VPS13D: variants seen among roughly 807,000 people sequenced by gnomAD.
The protein encoded by VPS13D is vacuolar protein sorting 13 homolog D.
Under a neutral mutation model 461.9 loss-of-function variants are expected in VPS13D, and 187 were observed. The ratio of observed to expected loss-of-function variants is 0.40; its 90% CI spans 0.36 to 0.46. VPS13D has a LOEUF of 0.46. VPS13D is among the 20% of genes least tolerant of loss of function. The probability of loss-of-function intolerance (pLI) is 0.60; values close to 1 mark genes in which losing one functional copy is unlikely to be tolerated. For missense variants in VPS13D, 4,711 were observed against 5,364.9 expected, an observed-to-expected ratio of 0.88 and a Z score of 3.81; for synonymous variants, 1,951 against 1,986.3, an observed-to-expected ratio of 0.98 and a Z score of 0.47.
At chr1:12,485,873 G>A (rs181270792) in intron 67 of VPS13D, among the ~76,000 whole-genome samples, 189 of 152,226 alleles carry the variant, frequency 1.2e-3, no homozygotes, top group South Asian at 2.5e-3. Flanking sequence ...CAGGTTGACC[G>A]TCGCAGCACC....
intron 67 of VPS13D, among the ~76,000 whole-genome samples, chr1:12,468,999 A>C (rs982836996): frequency 5.9e-5 from 9 of 151,698 alleles, no homozygotes. Flanking sequence ...GCACCACTGC[A>C]CTCCAGCCTG....
At chr1:12,364,094 A>G (rs528357727) in intron 52 of VPS13D, among the ~76,000 whole-genome samples, 20 of 152,224 alleles carry the variant, frequency 1.3e-4, no homozygotes, top group African/African-American at 4.3e-4. Context: ...CAAATTTACT[A>G]TCTTAACCAT....
chr1:12,381,796 T>C (rs578128336), intron 57 of VPS13D, among the ~76,000 whole-genome samples: 3 of 152,382 alleles, frequency 2.0e-5, no homozygotes, highest in South Asian at 4.1e-4. Flanking sequence ...CCCTGGAGTC[T>C]CTCTGAATCT....
intron 67 of VPS13D, among the ~76,000 whole-genome samples, chr1:12,467,809 C>T (rs1228003376): frequency 6.6e-6 from 1 of 151,928 alleles, no homozygotes; most frequent in African/African-American, 2.4e-5. Flanking sequence ...CTTTTTTGGT[C>T]ATGGTACATT....
chr1:12,487,624 A>AAAAG (rs753617310), intron 67 of VPS13D, among the ~76,000 whole-genome samples: 6,198 of 150,800 alleles, frequency 0.041, 247 homozygotes, highest in Admixed American at 0.1. Flanking sequence ...AAAAAAAAAA[A>AAAAG]AGCAAACAAA....
intron 17 of VPS13D, among the ~76,000 whole-genome samples, chr1:12,271,537 TG>T (rs1043621275): frequency 2.4e-4 from 36 of 151,960 alleles, no homozygotes. Flanking sequence ...GGCATGGTGG[TG>T]GGTCCCTGTA....
intron 41 of VPS13D, among the ~76,000 whole-genome samples, chr1:12,342,518 C>A (rs548341324): frequency 6.6e-6 from 1 of 152,164 alleles, no homozygotes; most frequent in Admixed American, 6.5e-5. Flanking sequence ...CACATTTCTC[C>A]GACCTCCCCC....
rs572431556 is a variant in VPS13D, at chr1:12,422,555, G to C, written c.12333+5728G>C. Reference sequence around the variant, plus strand: ...TTTTGTTTTTTATGAATTTGACAGAGATCTAATTTTTTAGATGATTTCTTG... The same window carrying C: ...TTTTGTTTTTTATGAATTTGACAGACATCTAATTTTTTAGATGATTTCTTG... On this transcript the variant is annotated intron_variant, in intron 65 of 69. Coordinates refer to ENST00000620676, the MANE Select transcript of VPS13D (RefSeq NM_015378.4). Among the ~76,000 whole-genome samples the C allele has an allele frequency of 2.0e-5, 3 of 152,316 alleles. No homozygotes were observed. The East Asian group carries it at 5.8e-4, about 29-fold the overall frequency.
At position 12,254,482 on chromosome 1, in the gene VPS13D, A is replaced by ATTG. The variant is rs1319439892; in HGVS notation, c.669+659_669+661dup. Among the ~76,000 whole-genome samples, 3 of 87,918 alleles carry ATTG rather than the reference A, an allele frequency of 3.4e-5. No homozygotes were observed. The East Asian group carries it at 1.2e-3, about 34-fold the overall frequency. The allele number at this position is 87,918 out of a possible 152,430, so 57.7% of individuals were successfully genotyped here. ...AAAGTCATAAATCATCAGATATATT[A>ATTG]TTGTTTGTGAAGGATTAAAAAAATC... On this transcript the variant is annotated intron_variant, in intron 7 of 69. Coordinates refer to ENST00000620676, the MANE Select transcript of VPS13D (RefSeq NM_015378.4).
chr1:12,400,411 C>A, intron 61 of VPS13D, 81 bp downstream of exon 61: 2 of 1,537,964 alleles, frequency 1.3e-6, no homozygotes, highest in Non-Finnish European at 1.8e-6. Context: ...CTCAGAGCAG[C>A]AGTGCCGGGT....
intron 63 of VPS13D, among the ~76,000 whole-genome samples, chr1:12,410,586 ATTT>A (rs1644713729): frequency 6.6e-6 from 1 of 152,246 alleles, no homozygotes; most frequent in African/African-American, 2.4e-5. Context: ...GGATGTTGGT[ATTT>A]TTAGACAGAG....
At chr1:12,275,469 G>T (rs1285486754) in intron 18 of VPS13D, among the ~76,000 whole-genome samples, 1 of 152,032 alleles carries the variant, frequency 6.6e-6, no homozygotes, top group Admixed American at 6.6e-5. Flanking sequence ...AAAAGGAAAA[G>T]AAATAAAAGA....
chr1:12,461,242 C>T (rs924124465), intron 67 of VPS13D, among the ~76,000 whole-genome samples: 1 of 152,128 alleles, frequency 6.6e-6, no homozygotes, highest in Non-Finnish European at 1.5e-5. Flanking sequence ...AATTAGTACG[C>T]CCTTTTAGAA....
At chr1:12,361,577 A>G (rs1643950490) in intron 50 of VPS13D, among the ~76,000 whole-genome samples, 1 of 150,188 alleles carries the variant, frequency 6.7e-6, no homozygotes, top group African/African-American at 2.4e-5. Context: ...TTGTATTTTT[A>G]GTAGAGACGG....
intron 35 of VPS13D, among the ~76,000 whole-genome samples, chr1:12,324,333 C>T (rs1446446406): frequency 1.3e-5 from 2 of 152,074 alleles, no homozygotes. Context: ...ATGGCGAAAC[C>T]GCATCTCTAC....
intron 27 of VPS13D, among the ~76,000 whole-genome samples, chr1:12,310,214 G>T (rs1458054076): frequency 1.3e-5 from 2 of 151,936 alleles, no homozygotes; most frequent in Non-Finnish European, 2.9e-5. Flanking sequence ...TGAATGCAAG[G>T]TGTCCTGTCA....
intron 65 of VPS13D, among the ~76,000 whole-genome samples, chr1:12,440,795 G>C (rs897208044): frequency 4.0e-5 from 6 of 149,138 alleles, no homozygotes; most frequent in Non-Finnish European, 7.4e-5. Flanking sequence ...ACAATCACTT[G>C]AGTCTGGGAG....
chr1:12,447,554 A>G (rs1185954501), intron 65 of VPS13D, among the ~76,000 whole-genome samples: 1 of 152,186 alleles, frequency 6.6e-6, no homozygotes. Context: ...CACTCATCTA[A>G]AACTTAATTT....
chr1:12,338,979 T>C (rs1643508912), intron 40 of VPS13D, among the ~76,000 whole-genome samples: 1 of 152,208 alleles, frequency 6.6e-6, no homozygotes, highest in Non-Finnish European at 1.5e-5. Context: ...ATGATTTATG[T>C]GTGTACATGG....
Sources: allele counts gnomAD v4.1 joint callset (sites outside exome capture counted in the v4.1 genomes callset), GRCh38; gene constraint gnomAD v4.1.1; transcripts MANE v1.5; gene names NCBI Gene and HGNC (gene_info 2026-07-23, HGNC 2026-07-21).